ITM2C: variants seen among roughly 807,000 people sequenced by gnomAD.
ITM2C encodes the protein BRICHOS domain containing 2C.
A neutral mutation model predicts 30.0 loss-of-function variants in ITM2C; 20 were observed. That is an observed-to-expected ratio of 0.67 (90% confidence interval 0.47 to 0.97). The LOEUF (loss-of-function observed/expected upper bound fraction) is 0.97. Among genes scored for constraint, ITM2C ranks in the 50% least tolerant of loss-of-function variants. The pLI, the probability that ITM2C is intolerant of heterozygous loss-of-function variation, is 0.00. For synonymous variants in ITM2C, 167 were observed against 156.4 expected (o/e 1.07, Z -0.51); for missense variants, 366 against 371.9 (o/e 0.98, Z 0.13).
At chr2:230,868,940 G>T (rs529735021) in intron 1 of ITM2C, among the ~76,000 whole-genome samples, 2 of 152,364 alleles carry the variant, frequency 1.3e-5, no homozygotes, top group African/African-American at 4.8e-5. Flanking sequence ...CAGGCCCCAC[G>T]GTGGCTTCTC....
rs1344615642 is a variant in ITM2C, at chr2:230,878,055, G to T, written c.760G>T (p.Glu254Ter). The change falls in exon 6 of 6, where the codon GAG becomes TAG. Residue 254 changes from glutamate to a stop codon, truncating the protein, a stop_gained. Coordinates refer to ENST00000326427, the MANE Select transcript of ITM2C (RefSeq NM_030926.6). LOFTEE classifies it high-confidence loss of function. The surrounding 1 kb of genome is among the most constrained non-coding windows in gnomAD (Gnocchi z 4.5). ...AKNCNAIRHF[E>*]NTFVVETLIC... ...GAACTGCAATGCCATCCGCCACTTC[G>T]AGAACACCTTCGTGGTGGAGACGCT... 3 of 1,608,486 alleles carry T rather than the reference G, an allele frequency of 1.9e-6. No individual in the cohort carries two copies. Among genetic ancestry groups the T allele is most frequent in the African/African-American group, 2.7e-5 (2 of 74,688 alleles).
Position 230,872,261 on chromosome 2 carries a change from G to A in ITM2C, c.121-1156G>A, listed in dbSNP as rs930684965. 4.1e-5 allele frequency among the ~76,000 whole-genome samples: 6 copies of A among 145,958 alleles called. No homozygotes were observed. In the South Asian group the frequency reaches 8.3e-4, roughly 20 times the overall value. ...ACTCTTGGCCGTATGTGGACACCAC[G>A]GAGGAAGGATTAAATGGTGAACATT... On this transcript the variant is annotated intron_variant, in intron 1 of 5. Coordinates refer to ENST00000326427, the MANE Select transcript of ITM2C (RefSeq NM_030926.6).
intron 1 of ITM2C, among the ~76,000 whole-genome samples, chr2:230,869,948 C>G (rs1697124262): frequency 6.6e-6 from 1 of 152,250 alleles, no homozygotes; most frequent in Non-Finnish European, 1.5e-5. Flanking sequence ...GGGAGCCCCC[C>G]TCCTCAGATA....
At position 230,877,166 on chromosome 2, in the gene ITM2C, C is replaced by T. The variant is rs975044618; in HGVS notation, c.561+199C>T. 6.6e-6 allele frequency among the ~76,000 whole-genome samples: 1 copy of T among 152,216 alleles called. No homozygotes were observed. The highest frequency in any genetic ancestry group is 2.1e-4 in the South Asian group (1 of 4,832). ...GCTTCCACATCTCCAGAGTCAATGC[C>T]CCGAGACCGGCTTCCTTAGTGTTCA... On this transcript the variant is annotated intron_variant, in intron 4 of 5. Transcript: ENST00000326427. The surrounding 1 kb of genome is among the most constrained non-coding windows in gnomAD (Gnocchi z 4.8).
At chr2:230,873,254 G>A (rs1697209408) in intron 1 of ITM2C, 163 bp from the exon 2 acceptor site, 3 of 557,566 alleles carry the variant, frequency 5.4e-6, no homozygotes, top group Admixed American at 7.9e-5. Flanking sequence ...GAGTCCGGGT[G>A]ACCCTGGTGG....
intron 1 of ITM2C, among the ~76,000 whole-genome samples, chr2:230,868,702 G>C (rs988908538): frequency 6.6e-6 from 1 of 152,184 alleles, no homozygotes; most frequent in Non-Finnish European, 1.5e-5. Flanking sequence ...TCAGGCCCTC[G>C]GCAGGAGGAG....
chr2:230,875,831 G>A, intron 3 of ITM2C, 23 bp downstream of exon 3: 2 of 410,676 alleles, frequency 4.9e-6, no homozygotes, highest in Non-Finnish European at 9.5e-6. Context: ...AGGGCCTGGG[G>A]GTGGGGGGTG....
At chr2:230,870,099 C>T (rs1329448272) in intron 1 of ITM2C, among the ~76,000 whole-genome samples, 2 of 152,186 alleles carry the variant, frequency 1.3e-5, no homozygotes, top group African/African-American at 4.8e-5. Context: ...TCCCAAGGGG[C>T]CAGGGCTCTG....
Position 230,865,170 on chromosome 2 carries a change from G to C in ITM2C, c.120+25G>C. 7.1e-7 allele frequency: 1 copy of C among 1,399,170 alleles called. No individual in the cohort carries two copies. Among genetic ancestry groups the C allele is most frequent in the Non-Finnish European group, 9.4e-7 (1 of 1,064,322 alleles). 86.7% of individuals were successfully genotyped at this position (1,399,170 alleles called of 1,614,324 possible). A position where few individuals can be genotyped will look rare whatever the true frequency, so the allele number is the denominator to read the frequency against. ...GGTGAGAGGGTCTGGGGCTCAGGCG[G>C]TGGGGCGGGGGACCCAGGCTCACGA... is the stretch of plus-strand genomic sequence containing the variant. On this transcript the variant is annotated intron_variant, in intron 1 of 5. Transcript: ENST00000326427. This position sits in a 1 kb window ranked among gnomAD's most constrained non-coding sequence, Gnocchi z 6.8.
chr2:230,868,236 C>G (rs920492313), intron 1 of ITM2C, among the ~76,000 whole-genome samples: 9 of 152,150 alleles, frequency 5.9e-5, no homozygotes, highest in African/African-American at 2.2e-4. Flanking sequence ...TGGGGGCCAG[C>G]TGGGCTTCCA....
chr2:230,877,037 G>A lies in ITM2C; in HGVS notation c.561+70G>A, dbSNP rs956972992. 2.8e-6 allele frequency: 3 copies of A among 1,090,328 alleles called. No individual in the cohort carries two copies. The highest frequency in any genetic ancestry group is 3.5e-5 in the Admixed American group (2 of 57,830). 67.5% of individuals were successfully genotyped at this position (1,090,328 alleles called of 1,614,324 possible). On this transcript the variant is annotated intron_variant, in intron 4 of 5. Coordinates refer to ENST00000326427, the MANE Select transcript of ITM2C (RefSeq NM_030926.6). The surrounding 1 kb of genome is among the most constrained non-coding windows in gnomAD (Gnocchi z 4.8). ...CTTGCCCCCTGTCTCATGGAGGCTA[G>A]GTCTGAGGTACAGGAAGTTCCTGTG...
intron 1 of ITM2C, 147 bp from the exon 2 acceptor site, chr2:230,873,270 C>A (rs1436770841): frequency 2.8e-6 from 2 of 716,310 alleles, no homozygotes; most frequent in Non-Finnish European, 4.1e-6. Context: ...GGTGGGCCTT[C>A]CTTTCCCTTC....
intron 1 of ITM2C, among the ~76,000 whole-genome samples, chr2:230,870,883 C>A (rs1339137761): frequency 4.6e-5 from 7 of 151,062 alleles, no homozygotes; most frequent in Admixed American, 3.9e-4. Context: ...TTTTTTTTCC[C>A]TTTTCTGTCT....
chr2:230,875,844 A>AGGGGGG, intron 3 of ITM2C, 36 bp downstream of exon 3: 1 of 140,558 alleles, frequency 7.1e-6, no homozygotes, highest in South Asian at 7.1e-5. Flanking sequence ...GGGGGGTGGG[A>AGGGGGG]GGGTGTCCCG....
intron 1 of ITM2C, among the ~76,000 whole-genome samples, chr2:230,872,540 G>T (rs530874917): frequency 6.6e-6 from 1 of 152,214 alleles, no homozygotes; most frequent in Non-Finnish European, 1.5e-5. Flanking sequence ...ATGATCTTGA[G>T]CCCAATTCTG....
intron 1 of ITM2C, among the ~76,000 whole-genome samples, chr2:230,866,738 A>AGGGGCAGGGATG (rs1438023152): frequency 1.3e-5 from 2 of 152,076 alleles, no homozygotes; most frequent in South Asian, 4.1e-4. Context: ...CAGCCTGGGG[A>AGGGGCAGGGATG]GGGGCAGGGA....
rs1265272566 is a variant in ITM2C, at chr2:230,876,740, A to G, written c.451-117A>G. The G allele has an allele frequency of 3.9e-5, 26 of 660,552 alleles. 1 individual carries two copies. The East Asian group carries it at 6.5e-4, about 17-fold the overall frequency. 40.9% of individuals were successfully genotyped at this position (660,552 alleles called of 1,614,324 possible). ...TTTGATCCGCCCGCCTCAGCCTCCC[A>G]AAGTGCTGGGATTACAGGCATGAGC... On this transcript the variant is annotated intron_variant, in intron 3 of 5. Transcript: ENST00000326427.
chr2:230,868,741 G>A (rs905995651), intron 1 of ITM2C, among the ~76,000 whole-genome samples: 2 of 152,160 alleles, frequency 1.3e-5, no homozygotes, highest in East Asian at 1.9e-4. Context: ...TTGGGGGAGG[G>A]TCCCGTGCCA....
rs1697307674 is a variant in ITM2C, at chr2:230,876,743, G to T, written c.451-114G>T. ...GATCCGCCCGCCTCAGCCTCCCAAA[G>T]TGCTGGGATTACAGGCATGAGCCAC... On this transcript the variant is annotated intron_variant, in intron 3 of 5. Transcript: ENST00000326427. 8.9e-6 allele frequency: 6 copies of T among 674,636 alleles called. No individual in the cohort carries two copies. The South Asian group carries it at 1.0e-4, about 11-fold the overall frequency. 41.8% of individuals were successfully genotyped at this position (674,636 alleles called of 1,614,324 possible). A position where few individuals can be genotyped will look rare whatever the true frequency, so the allele number is the denominator to read the frequency against.
Sources: allele counts gnomAD v4.1 joint callset (sites outside exome capture counted in the v4.1 genomes callset), GRCh38; gene constraint gnomAD v4.1.1; non-coding constraint Gnocchi (gnomAD v3.1); transcripts MANE v1.5; gene names NCBI Gene and HGNC (gene_info 2026-07-23, HGNC 2026-07-21).